HLCS: variants seen among roughly 807,000 people sequenced by gnomAD.
The protein encoded by HLCS is biotin--protein ligase.
Under a neutral mutation model 75.0 loss-of-function variants are expected in HLCS, and 53 were observed. The observed-to-expected ratio is 0.71, with a 90% CI of 0.57 to 0.89. HLCS has a LOEUF of 0.89. HLCS is among the 40% of genes least tolerant of loss of function. The pLI is 0.00. For synonymous variants in HLCS, 431 were observed against 428.6 expected (o/e 1.01, Z -0.07); for missense variants, 966 against 1,074.0 (o/e 0.90, Z 1.41).
chr21:36,781,889 A>T (rs1264433088), intron 6 of HLCS, among the ~76,000 whole-genome samples: 2 of 152,192 alleles, frequency 1.3e-5, no homozygotes, highest in Admixed American at 6.5e-5. Flanking sequence ...AAAAATCAGG[A>T]CAGGGTGTTG....
chr21:36,773,458 A>G (rs1206860481), intron 6 of HLCS, among the ~76,000 whole-genome samples: 1 of 152,230 alleles, frequency 6.6e-6, no homozygotes, highest in African/African-American at 2.4e-5. Context: ...TCTGGAAAAC[A>G]CACCCCAAAC....
At chr21:36,938,756 G>T in intron 3 of HLCS, 76 bp downstream of exon 3, 1 of 1,457,370 alleles carries the variant, frequency 6.9e-7, no homozygotes, top group Non-Finnish European at 9.6e-7. Flanking sequence ...CTCCTGCCTC[G>T]GCCTTCCAAA....
intron 5 of HLCS, among the ~76,000 whole-genome samples, chr21:36,898,076 T>A (rs775690712): frequency 1.3e-5 from 2 of 152,172 alleles, no homozygotes; most frequent in Non-Finnish European, 2.9e-5. Flanking sequence ...CTAATTTCAA[T>A]TGATCAACCT....
chr21:36,816,912 A>G (rs1244624070), intron 6 of HLCS, among the ~76,000 whole-genome samples: 2 of 152,184 alleles, frequency 1.3e-5, no homozygotes, highest in Non-Finnish European at 2.9e-5. Flanking sequence ...GTGATGATAT[A>G]CTAAGTACTT....
chr21:36,876,591 T>C (rs556271223), intron 6 of HLCS, among the ~76,000 whole-genome samples: 1 of 152,340 alleles, frequency 6.6e-6, no homozygotes, highest in South Asian at 2.1e-4. Flanking sequence ...TGATTTCTAA[T>C]TTAATTCCAT....
chr21:36,966,826 G>T (rs1303524785), upstream of HLCS, among the ~76,000 whole-genome samples: 1 of 146,752 alleles, frequency 6.8e-6, no homozygotes, highest in Non-Finnish European at 1.5e-5. Flanking sequence ...GGGGCGGGGG[G>T]GGGTGAGGCC....
chr21:36,920,745 T>C (rs2066128769), intron 5 of HLCS, among the ~76,000 whole-genome samples: 1 of 152,072 alleles, frequency 6.6e-6, no homozygotes, highest in Non-Finnish European at 1.5e-5. Context: ...AACCCCAACA[T>C]CACAGAAGGA....
chr21:36,969,079 G>C (rs1355206552), upstream of HLCS, among the ~76,000 whole-genome samples: 2 of 152,192 alleles, frequency 1.3e-5, no homozygotes, highest in Non-Finnish European at 2.9e-5. Flanking sequence ...GCATTGAAGA[G>C]TACTGATACC....
At chr21:36,878,401 C>T (rs1403834651) in intron 6 of HLCS, among the ~76,000 whole-genome samples, 1 of 152,084 alleles carries the variant, frequency 6.6e-6, no homozygotes, top group Non-Finnish European at 1.5e-5. Flanking sequence ...ACATACAATT[C>T]TAATTTTAAA....
intron 2 of HLCS, among the ~76,000 whole-genome samples, chr21:36,961,429 T>C (rs1450179093): frequency 1.1e-4 from 16 of 151,212 alleles, no homozygotes; most frequent in Admixed American, 9.2e-4. Flanking sequence ...GCTGAGGAGG[T>C]AGGATCCCTG....
chr21:36,921,219 G>A (rs1278820336), intron 5 of HLCS, among the ~76,000 whole-genome samples: 1 of 152,188 alleles, frequency 6.6e-6, no homozygotes, highest in African/African-American at 2.4e-5. Flanking sequence ...AGCCGAGGCA[G>A]GCGGATCACA....
chr21:36,920,670 T>TA, intron 5 of HLCS, among the ~76,000 whole-genome samples: 1 of 152,110 alleles, frequency 6.6e-6, no homozygotes, highest in East Asian at 1.9e-4. Flanking sequence ...AAATTAAAAT[T>TA]AAAAAAAATT....
At chr21:36,972,667 TTAA>T (rs1174631153) in intron 1 of HLCS, among the ~76,000 whole-genome samples, 1 of 152,232 alleles carries the variant, frequency 6.6e-6, no homozygotes, top group Non-Finnish European at 1.5e-5. Context: ...TATTTCTGTA[TTAA>T]TAAGGAATCT....
At chr21:36,901,625 C>T (rs576776566) in intron 5 of HLCS, among the ~76,000 whole-genome samples, 7 of 152,320 alleles carry the variant, frequency 4.6e-5, no homozygotes, top group Admixed American at 3.9e-4. Flanking sequence ...CTCCATGGTG[C>T]CCCTCGGCTT....
intron 6 of HLCS, among the ~76,000 whole-genome samples, chr21:36,793,259 G>A (rs868367117): frequency 1.3e-5 from 2 of 150,446 alleles, no homozygotes; most frequent in South Asian, 2.1e-4. Flanking sequence ...TGTGCCTGTC[G>A]GAGGGCTCGG....
chr21:36,955,422 T>C (rs1160311938), intron 2 of HLCS, among the ~76,000 whole-genome samples: 1 of 152,166 alleles, frequency 6.6e-6, no homozygotes, highest in Non-Finnish European at 1.5e-5. Flanking sequence ...GCAATTTGTA[T>C]GTTCACAAAT....
At chr21:36,948,805 C>T (rs904827068) in intron 2 of HLCS, among the ~76,000 whole-genome samples, 6 of 147,874 alleles carry the variant, frequency 4.1e-5, no homozygotes, top group South Asian at 2.1e-4. Flanking sequence ...CAAGTAACAG[C>T]GTAAGAGTTA....
At chr21:36,939,946 G>C (rs1170016989) in intron 2 of HLCS, among the ~76,000 whole-genome samples, 1 of 152,164 alleles carries the variant, frequency 6.6e-6, no homozygotes, top group African/African-American at 2.4e-5. Flanking sequence ...CTACTCGGGG[G>C]GCTGAGGCAG....
intron 6 of HLCS, among the ~76,000 whole-genome samples, chr21:36,774,678 C>T (rs2060304173): frequency 6.6e-6 from 1 of 152,216 alleles, no homozygotes; most frequent in African/African-American, 2.4e-5. Flanking sequence ...CATCCCTCAT[C>T]ACTTCTACCT....
Sources: allele counts gnomAD v4.1 joint callset (sites outside exome capture counted in the v4.1 genomes callset), GRCh38; gene constraint gnomAD v4.1.1; transcripts MANE v1.5; gene names NCBI Gene and HGNC (gene_info 2026-07-23, HGNC 2026-07-21).